Variants in DACH1 observed in about 807,000 individuals in gnomAD.
DACH1 encodes dachshund homolog 1.
DACH1 carries 12 observed loss-of-function variants against 54.2 expected under a neutral mutation model. That is an observed-to-expected ratio of 0.22 (90% CI 0.14 to 0.36). DACH1 has a LOEUF of 0.36. Among genes scored for constraint, DACH1 ranks in the 10% least tolerant of loss-of-function variants. DACH1 has a pLI of 1.00. For synonymous variants in DACH1, 386 were observed against 366.2 expected (o/e 1.05, Z -0.62); for missense variants, 805 against 929.8 (o/e 0.87, Z 1.75).
intron 1 of DACH1, among the ~76,000 whole-genome samples, chr13:71,787,182 A>G (rs1886626159): frequency 6.6e-6 from 1 of 152,226 alleles, no homozygotes. Context: ...CAAGGGCAGC[A>G]AACAAAAGGG....
intron 1 of DACH1, among the ~76,000 whole-genome samples, chr13:71,742,712 T>A (rs1379003011): frequency 6.6e-6 from 1 of 152,170 alleles, no homozygotes; most frequent in East Asian, 1.9e-4. Flanking sequence ...ATCTTCTTCA[T>A]CTTATACATT....
intron 1 of DACH1, among the ~76,000 whole-genome samples, chr13:71,779,837 T>G (rs1192307432): frequency 6.6e-6 from 1 of 152,150 alleles, no homozygotes; most frequent in Admixed American, 6.6e-5. Context: ...TTTCTACTTG[T>G]GCAAATCTCA....
chr13:71,543,922 C>A (rs755577753), intron 6 of DACH1, among the ~76,000 whole-genome samples: 1 of 152,108 alleles, frequency 6.6e-6, no homozygotes, highest in Non-Finnish European at 1.5e-5. Context: ...AGTGATTTAC[C>A]ACATATCTTT....
chr13:71,729,930 T>C (rs954246036), intron 1 of DACH1, among the ~76,000 whole-genome samples: 2 of 152,056 alleles, frequency 1.3e-5, no homozygotes, highest in East Asian at 3.9e-4. Context: ...AATGCAATAA[T>C]ATGGAATGAA....
chr13:71,684,031 T>C (rs778967694), intron 1 of DACH1, among the ~76,000 whole-genome samples: 2 of 152,042 alleles, frequency 1.3e-5, no homozygotes, highest in Non-Finnish European at 2.9e-5. Flanking sequence ...CAGGAGTCAC[T>C]TGTGTCTTTT....
chr13:71,730,840 A>T (rs1883709368), intron 1 of DACH1, among the ~76,000 whole-genome samples: 2 of 149,680 alleles, frequency 1.3e-5, no homozygotes, highest in African/African-American at 4.9e-5. Flanking sequence ...ACAAATCAGT[A>T]TTTTTTTTTT....
At chr13:71,765,921 C>T (rs1039812249) in intron 1 of DACH1, among the ~76,000 whole-genome samples, 5 of 135,616 alleles carry the variant, frequency 3.7e-5, no homozygotes, top group Non-Finnish European at 6.1e-5. Context: ...GAGTCTCGCT[C>T]TGTCGCCCAG....
In DACH1 at chr13:71,826,190, C is replaced by T. The variant is rs140224016; in HGVS notation, c.848+39732G>A. 1.4e-3 allele frequency among the ~76,000 whole-genome samples: 212 copies of T among 152,096 alleles called. 1 individual carries two copies. Among genetic ancestry groups the T allele is most frequent in the Non-Finnish European group, 2.3e-3 (156 of 67,952 alleles). ...ACATATCAAAATAAAACATATTTGC[C>T]AACTTTATCATTTCTTTTCCTAATC... On this transcript the variant is annotated intron_variant, in intron 1 of 10. Coordinates refer to ENST00000613252, the MANE Select transcript of DACH1 (RefSeq NM_080759.6).
chr13:71,472,096 G>C (rs9529901), intron 10 of DACH1, among the ~76,000 whole-genome samples: 135,715 of 152,186 alleles, frequency 0.89, 62,214 homozygotes, highest in South Asian at 1. Context: ...AGGCATAAGA[G>C]AGTTAATGGC....
intron 3 of DACH1, among the ~76,000 whole-genome samples, chr13:71,622,708 T>C (rs760306550): frequency 1.3e-5 from 2 of 151,840 alleles, no homozygotes; most frequent in Non-Finnish European, 2.9e-5. Flanking sequence ...CCACATAACA[T>C]ATTCATTAGG....
intron 1 of DACH1, among the ~76,000 whole-genome samples, chr13:71,748,701 A>G (rs1288515141): frequency 6.6e-6 from 1 of 152,138 alleles, no homozygotes; most frequent in Non-Finnish European, 1.5e-5. Context: ...AACAATGCCT[A>G]TTTGTTAGCT....
chr13:71,551,730 TTTTC>T (rs1311865358), intron 6 of DACH1, among the ~76,000 whole-genome samples: 2 of 152,164 alleles, frequency 1.3e-5, no homozygotes, highest in Admixed American at 1.3e-4. Flanking sequence ...TACATAATGA[TTTTC>T]TTTCAAAAGG....
At chr13:71,798,288 T>C (rs1460868809) in intron 1 of DACH1, among the ~76,000 whole-genome samples, 1 of 144,456 alleles carries the variant, frequency 6.9e-6, no homozygotes, top group African/African-American at 2.6e-5. Flanking sequence ...GCAAATGAAC[T>C]ATGAAAGATG....
At chr13:71,598,922 T>C (rs907535085) in intron 3 of DACH1, among the ~76,000 whole-genome samples, 4 of 152,134 alleles carry the variant, frequency 2.6e-5, no homozygotes, top group Non-Finnish European at 5.9e-5. Context: ...TTTACCCTAG[T>C]TATTTTTATA....
At chr13:71,526,094 G>T (rs1752778940) in intron 6 of DACH1, among the ~76,000 whole-genome samples, 1 of 152,052 alleles carries the variant, frequency 6.6e-6, no homozygotes, top group Non-Finnish European at 1.5e-5. Context: ...TGCAAGAAAA[G>T]AATTTAGATT....
At chr13:71,665,372 A>C (rs530139075) in intron 2 of DACH1, among the ~76,000 whole-genome samples, 64 of 152,044 alleles carry the variant, frequency 4.2e-4, no homozygotes, top group Middle Eastern at 6.8e-3. Flanking sequence ...TCATTTTGCT[A>C]CCCCCATATA....
intron 7 of DACH1, among the ~76,000 whole-genome samples, chr13:71,487,399 TTTTC>T (rs1328473046): frequency 2.6e-5 from 4 of 152,096 alleles, no homozygotes; most frequent in Non-Finnish European, 4.4e-5. Flanking sequence ...CTTTTTCTTC[TTTTC>T]TTTCTTTCTT....
In DACH1 at chr13:71,866,488, G is replaced by A. The variant is rs1308706040; in HGVS notation, c.282C>T (p.Gly94=). 8.0e-7 allele frequency: 1 copy of A among 1,244,654 alleles called. No individual in the cohort carries two copies. Among genetic ancestry groups the A allele is most frequent in the Non-Finnish European group, 1.0e-6 (1 of 991,368 alleles). The allele number at this position is 1,244,654 out of a possible 1,614,324, so 77.1% of individuals were successfully genotyped here. A position where few individuals can be genotyped will look rare whatever the true frequency, so the allele number is the denominator to read the frequency against. ...TGCTGCCACCGCCGCCGCCGCCACC[G>A]CCGCCTCCGTTGCCGCTGCTGCCGC... ...GGGGSSGNGG[G]GGGGGGGSNC... Residue 94 remains glycine (G), a synonymous_variant, in exon 1 of 11, where the codon GGC becomes GGT. Coordinates refer to ENST00000613252, the MANE Select transcript of DACH1 (RefSeq NM_080759.6).
intron 2 of DACH1, among the ~76,000 whole-genome samples, chr13:71,672,379 T>C (rs1442596088): frequency 6.6e-6 from 1 of 152,278 alleles, no homozygotes; most frequent in Non-Finnish European, 1.5e-5. Flanking sequence ...TTTTGCCAGC[T>C]TCTCTAGAAA....
Sources: gnomAD v4.1 joint callset for allele counts (sites outside exome capture counted in the v4.1 genomes callset) on GRCh38, gnomAD v4.1.1 for gene constraint, MANE v1.5 for transcripts, NCBI Gene and HGNC (gene_info 2026-07-23, HGNC 2026-07-21) for gene names.